Variants in CNTN5 observed in about 807,000 individuals in gnomAD.
CNTN5 encodes the protein contactin-5.
A neutral mutation model predicts 129.1 loss-of-function variants in CNTN5; 77 were observed. The ratio of observed to expected loss-of-function variants is 0.60; its 90% CI spans 0.50 to 0.72. CNTN5 has a LOEUF of 0.72. Ranked by LOEUF, CNTN5 falls within the 30% of genes least tolerant of loss-of-function variation. CNTN5 has a pLI of 0.00. For synonymous variants in CNTN5, 509 were observed against 465.6 expected (o/e 1.09, Z -1.20); for missense variants, 1,478 against 1,328.8 (o/e 1.11, Z -1.75).
At chr11:100,352,781 T>C (rs1425618027) in intron 24 of CNTN5, among the ~76,000 whole-genome samples, 2 of 151,778 alleles carry the variant, frequency 1.3e-5, no homozygotes, top group Non-Finnish European at 2.9e-5. Context: ...TCTGCATTAA[T>C]TATTTCACAA....
At chr11:99,521,696 G>A (rs573695088) in intron 2 of CNTN5, among the ~76,000 whole-genome samples, 2 of 152,252 alleles carry the variant, frequency 1.3e-5, no homozygotes, top group South Asian at 4.1e-4. Flanking sequence ...TGTATCTGTT[G>A]CTCTTGTTGC....
chr11:99,828,538 C>T (rs1947040227), intron 4 of CNTN5, among the ~76,000 whole-genome samples: 1 of 152,106 alleles, frequency 6.6e-6, no homozygotes, highest in Non-Finnish European at 1.5e-5. Flanking sequence ...GTTACAATAT[C>T]AATTAACTTT....
intron 3 of CNTN5, among the ~76,000 whole-genome samples, chr11:99,795,245 T>C (rs1945891608): frequency 1.3e-5 from 2 of 152,224 alleles, no homozygotes; most frequent in Admixed American, 1.3e-4. Context: ...TTATGATATA[T>C]TTGAAGTGAG....
chr11:99,678,890 CT>C (rs557966682), intron 3 of CNTN5, among the ~76,000 whole-genome samples: 6 of 150,936 alleles, frequency 4.0e-5, no homozygotes, highest in African/African-American at 1.2e-4. Flanking sequence ...GATATATAAC[CT>C]TTTTTTGTAT....
intron 3 of CNTN5, among the ~76,000 whole-genome samples, chr11:99,775,977 A>G (rs754201505): frequency 8.5e-5 from 13 of 152,070 alleles, no homozygotes; most frequent in Non-Finnish European, 1.6e-4. Flanking sequence ...AGAAAATTCA[A>G]TAGTTCTTTA....
At chr11:100,303,522 G>A (rs1183432646) in intron 20 of CNTN5, among the ~76,000 whole-genome samples, 1 of 151,196 alleles carries the variant, frequency 6.6e-6, no homozygotes, top group East Asian at 2.0e-4. Context: ...AAGAAAAATT[G>A]ATACAGTTAA....
intron 7 of CNTN5, 123 bp downstream of exon 7, chr11:99,916,272 A>G (rs1043872192): frequency 2.1e-5 from 14 of 663,316 alleles, no homozygotes; most frequent in African/African-American, 1.3e-4. Context: ...CTTGACATCT[A>G]TCAGAGTGCC....
At chr11:99,147,376 G>T (rs1174727542) in intron 1 of CNTN5, among the ~76,000 whole-genome samples, 1 of 152,124 alleles carries the variant, frequency 6.6e-6, no homozygotes, top group Non-Finnish European at 1.5e-5. Context: ...AATATAAAAA[G>T]TGGTGTCATT....
At chr11:100,185,800 G>A (rs987817903) in intron 13 of CNTN5, among the ~76,000 whole-genome samples, 21 of 152,282 alleles carry the variant, frequency 1.4e-4, no homozygotes, top group South Asian at 1.2e-3. Flanking sequence ...GGCCACGTGA[G>A]CACACGGTGA....
intron 2 of CNTN5, among the ~76,000 whole-genome samples, chr11:99,450,231 A>G (rs570641690): frequency 1.7e-4 from 26 of 150,402 alleles, no homozygotes; most frequent in African/African-American, 5.9e-4. Context: ...ATTTCTCACT[A>G]TTTGGCAAAA....
At chr11:100,295,629 G>A (rs1340037461) in intron 18 of CNTN5, among the ~76,000 whole-genome samples, 1 of 151,262 alleles carries the variant, frequency 6.6e-6, no homozygotes, top group Non-Finnish European at 1.5e-5. Flanking sequence ...ATGTTGACTA[G>A]AGAGCCTAGA....
At chr11:99,217,999 C>G (rs2135693244) in intron 1 of CNTN5, among the ~76,000 whole-genome samples, 3 of 152,186 alleles carry the variant, frequency 2.0e-5, no homozygotes, top group Admixed American at 2.0e-4. Context: ...TCTTTGCTTC[C>G]TTTTAGTGTA....
intron 3 of CNTN5, among the ~76,000 whole-genome samples, chr11:99,562,875 C>T (rs7936887): frequency 0.74 from 113,148 of 152,024 alleles, 42,487 homozygotes; most frequent in East Asian, 0.97. Flanking sequence ...TAGATGTCTA[C>T]AATACCCTTA....
chr11:99,393,222 T>G (rs192679497), intron 2 of CNTN5, among the ~76,000 whole-genome samples: 3 of 151,748 alleles, frequency 2.0e-5, no homozygotes, highest in Admixed American at 2.0e-4. Flanking sequence ...CGGCACAAAC[T>G]CAGGTTACAG....
chr11:100,000,165 AAAATAAAT>A (rs575342411), intron 8 of CNTN5, among the ~76,000 whole-genome samples: 4 of 151,866 alleles, frequency 2.6e-5, no homozygotes, highest in African/African-American at 4.8e-5. Flanking sequence ...AATAATAATA[AAAATAAAT>A]AAATAAATAA....
At chr11:100,060,175 G>A (rs535235987) in intron 9 of CNTN5, among the ~76,000 whole-genome samples, 1 of 149,528 alleles carries the variant, frequency 6.7e-6, no homozygotes, top group East Asian at 2.0e-4. Flanking sequence ...CACTGCACTC[G>A]AGCCTTGGCG....
At chr11:99,028,444 G>C (rs1467788371) in intron 1 of CNTN5, among the ~76,000 whole-genome samples, 2 of 151,846 alleles carry the variant, frequency 1.3e-5, no homozygotes, top group Non-Finnish European at 3.0e-5. Context: ...ATGTGACTAA[G>C]ATACAGATTT....
At chr11:100,319,645 T>C (rs750084790) in intron 21 of CNTN5, among the ~76,000 whole-genome samples, 1 of 152,192 alleles carries the variant, frequency 6.6e-6, no homozygotes, top group African/African-American at 2.4e-5. Flanking sequence ...AGTCACAATG[T>C]TGAGCTTATT....
chr11:99,288,295 G>A (rs1374936645), intron 1 of CNTN5, among the ~76,000 whole-genome samples: 1 of 151,768 alleles, frequency 6.6e-6, no homozygotes, highest in East Asian at 1.9e-4. Context: ...CTGAAATTTA[G>A]CCAATTAGAA....
Sources: gnomAD v4.1 joint callset for allele counts (sites outside exome capture counted in the v4.1 genomes callset) on GRCh38, gnomAD v4.1.1 for gene constraint, MANE v1.5 for transcripts, NCBI Gene and HGNC (gene_info 2026-07-23, HGNC 2026-07-21) for gene names.